Variants in NEMF observed in about 807,000 individuals in gnomAD.
NEMF encodes the protein nuclear export mediator factor, also known as ribosome quality control complex subunit NEMF.
Under a neutral mutation model 162.2 loss-of-function variants are expected in NEMF, and 89 were observed. The ratio of observed to expected loss-of-function variants is 0.55; its 90% CI spans 0.46 to 0.65. The LOEUF is 0.65. Among genes scored for constraint, NEMF ranks in the 30% least tolerant of loss-of-function variants. NEMF has a pLI of 0.00. For synonymous variants in NEMF, 421 were observed against 404.5 expected, an observed-to-expected ratio of 1.04 and a Z score of -0.49; for missense variants, 1,133 against 1,261.9, an observed-to-expected ratio of 0.90 and a Z score of 1.55.
At chr14:49,818,891 T>C (rs776833850) in intron 16 of NEMF, among the ~76,000 whole-genome samples, 2 of 152,172 alleles carry the variant, frequency 1.3e-5, no homozygotes, top group Non-Finnish European at 2.9e-5. Context: ...ATGAGGATTC[T>C]ACACAAAATG....
chr14:49,827,101 C>T (rs1892391980), intron 15 of NEMF, among the ~76,000 whole-genome samples: 1 of 152,174 alleles, frequency 6.6e-6, no homozygotes, highest in Non-Finnish European at 1.5e-5. Context: ...ATCTCCCGTC[C>T]TTCTTGCAGG....
At chr14:49,814,374 G>T (rs1384164973) in intron 17 of NEMF, among the ~76,000 whole-genome samples, 1 of 152,158 alleles carries the variant, frequency 6.6e-6, no homozygotes, top group African/African-American at 2.4e-5. Flanking sequence ...AAGTGGCTGA[G>T]ATTACAGGCG....
intron 6 of NEMF, among the ~76,000 whole-genome samples, chr14:49,834,688 G>A (rs768226003): frequency 6.6e-6 from 1 of 152,040 alleles, no homozygotes; most frequent in African/African-American, 2.4e-5. Flanking sequence ...TCACCATGTT[G>A]TCCAGGCTGG....
In NEMF at chr14:49,825,930, G is replaced by C. The variant is rs1276417088; in HGVS notation, c.1514C>G (p.Thr505Arg). 6.2e-7 allele frequency: 1 copy of C among 1,610,788 alleles called. No individual in the cohort carries two copies. The highest frequency in any genetic ancestry group is 1.3e-5 in the African/African-American group (1 of 74,830). Residue 505 changes from threonine (T) to arginine (R), a missense_variant, in exon 16 of 33, where the codon ACA becomes AGA. Around this residue, in one of 3 missense-constraint regions of NEMF, gnomAD observed 582 missense variants for 631.5 expected, o/e 0.92. Transcript: ENST00000298310. ...EKAFKSAEKK[T>R]KQTLKEVQTV... is the part of the protein sequence containing the mutation. ...CTGAACTTCTTTTAATGTTTGCTTT[G>C]TTTTCTTTTCTGCTGACTTGAATGC... is the stretch of plus-strand genomic sequence containing the variant.
chr14:49,834,399 C>A lies in NEMF; in HGVS notation c.625G>T (p.Gly209Cys), dbSNP rs768893142. 6 of 1,608,608 alleles carry A rather than the reference C, an allele frequency of 3.7e-6. No homozygotes were observed. Among genetic ancestry groups the A allele is most frequent in the Non-Finnish European group, 5.1e-6 (6 of 1,175,146 alleles). ...EHCLLENGFS[G>C]NVKVDEKLET... is the part of the protein sequence containing the mutation. ...AGTTTTTCATCCACTTTGACATTACCCGAGAATCCATTTTCTAAAAGACAG... is the reference window on the plus strand; with the variant it reads ...AGTTTTTCATCCACTTTGACATTACACGAGAATCCATTTTCTAAAAGACAG... The change falls in exon 7 of 33, where the codon GGT becomes TGT. Residue 209 changes from glycine to cysteine, a missense_variant. Transcript: ENST00000298310.
intron 18 of NEMF, among the ~76,000 whole-genome samples, chr14:49,813,044 G>A (rs1167365505): frequency 6.6e-6 from 1 of 152,046 alleles, no homozygotes; most frequent in African/African-American, 2.4e-5. Context: ...CAAAGTGCTG[G>A]GATTACAGGT....
intron 25 of NEMF, chr14:49,796,324 G>C (rs971679426): frequency 1.7e-5 from 8 of 459,310 alleles, no homozygotes; most frequent in African/African-American, 1.6e-4. Flanking sequence ...TGACCGGTTG[G>C]TTGACTAAAT....
At chr14:49,812,742 C>T (rs1203623028) in intron 18 of NEMF, among the ~76,000 whole-genome samples, 1 of 151,960 alleles carries the variant, frequency 6.6e-6, no homozygotes, top group Non-Finnish European at 1.5e-5. Flanking sequence ...TAATTTCACC[C>T]CATTATAGTC....
chr14:49,823,930 A>C (rs1419386508), intron 16 of NEMF, among the ~76,000 whole-genome samples: 1 of 152,206 alleles, frequency 6.6e-6, no homozygotes, highest in Non-Finnish European at 1.5e-5. Flanking sequence ...GCATTTTGGG[A>C]GGCTGAGGCG....
In NEMF at chr14:49,851,483, C is replaced by T. The variant is rs532556600; in HGVS notation, c.231+80G>A. 25 of 914,134 alleles carry T rather than the reference C, an allele frequency of 2.7e-5. No individual in the cohort carries two copies. In the South Asian group the frequency reaches 3.2e-4, roughly 12 times the overall value. 56.6% of individuals were successfully genotyped at this position (914,134 alleles called of 1,614,324 possible). ...CATTTTATCTGCACTTTATTCGTAA[C>T]AGTGAAGGAAACCCCAATTAAAAAC... is the stretch of plus-strand genomic sequence containing the variant. On this transcript the variant is annotated intron_variant, in intron 3 of 32. Coordinates refer to ENST00000298310, the MANE Select transcript of NEMF (RefSeq NM_004713.6).
At chr14:49,831,700 A>C (rs1483683174) in intron 10 of NEMF, among the ~76,000 whole-genome samples, 1 of 152,092 alleles carries the variant, frequency 6.6e-6, no homozygotes, top group African/African-American at 2.4e-5. Flanking sequence ...GCCTCCCAAA[A>C]TGCTGAGATT....
intron 4 of NEMF, among the ~76,000 whole-genome samples, chr14:49,841,196 C>CAAAAAAAAAAAAAAAAAAAAAAA (rs34039009): frequency 1.8e-5 from 1 of 56,794 alleles, no homozygotes; most frequent in Non-Finnish European, 3.1e-5. Context: ...AACTCTGTCT[C>CAAAAAAAAAAAAAAAAAAAAAAA]AAAAAAAAAA....
In NEMF at chr14:49,802,745, C is replaced by T. The variant is rs76938896; in HGVS notation, c.1916-18G>A. 248 of 1,580,474 alleles carry T rather than the reference C, an allele frequency of 1.6e-4. No homozygotes were observed. Among genetic ancestry groups the T allele is most frequent in the Non-Finnish European group, 2.0e-4 (233 of 1,158,552 alleles). ...CTTTTTTCCTACAAAAGATAACGTA[C>T]ATTAATGCTTTGAAAATCAGTCTTC... On this transcript the variant is annotated intron_variant, in intron 20 of 32. Coordinates refer to ENST00000298310, the MANE Select transcript of NEMF (RefSeq NM_004713.6).
chr14:49,799,566 A>T, intron 24 of NEMF, 42 bp from the exon 25 acceptor site: 1 of 1,597,878 alleles, frequency 6.3e-7, no homozygotes, highest in South Asian at 1.1e-5. Context: ...TATCACTATT[A>T]ACTTTTTTGA....
chr14:49,827,525 A>C (rs1004226738), intron 15 of NEMF, among the ~76,000 whole-genome samples: 1 of 151,218 alleles, frequency 6.6e-6, no homozygotes, highest in African/African-American at 2.4e-5. Context: ...GGGGCTAGGC[A>C]TGGTGGCTCA....
At chr14:49,833,977 ACC>A in intron 7 of NEMF, 1 of 300,068 alleles carries the variant, frequency 3.3e-6, no homozygotes, top group East Asian at 7.8e-5. Flanking sequence ...AAAACAAAAC[ACC>A]ACCACCAGCA....
Position 49,811,096 on chromosome 14 carries a change from T to C in NEMF, c.1744+2892A>G, listed in dbSNP as rs112234951. On this transcript the variant is annotated intron_variant, in intron 18 of 32. Transcript: ENST00000298310. Reference sequence around the variant, plus strand: ...TATTAAGACTTCCAATACATATACATGGGATGTCCAATTTAGGTCTTTAAT... The same window carrying C: ...TATTAAGACTTCCAATACATATACACGGGATGTCCAATTTAGGTCTTTAAT... Among the ~76,000 whole-genome samples, 695 of 152,344 alleles carry C rather than the reference T, an allele frequency of 4.6e-3. 4 individuals carry two copies. The highest frequency in any genetic ancestry group is 0.016 in the African/African-American group (665 of 41,572).
chr14:49,803,399 C>G, intron 19 of NEMF, 105 bp from the exon 20 acceptor site: 2 of 678,290 alleles, frequency 2.9e-6, no homozygotes, highest in East Asian at 5.9e-5. Flanking sequence ...GCCACACTGT[C>G]TTCTGAAAAG....
At chr14:49,830,648 G>T (rs1377943645) in intron 11 of NEMF, among the ~76,000 whole-genome samples, 2 of 152,258 alleles carry the variant, frequency 1.3e-5, no homozygotes, top group African/African-American at 4.8e-5. Context: ...GCCTCCCAAA[G>T]TGCTGGGATT....
Sources: allele counts gnomAD v4.1 joint callset (sites outside exome capture counted in the v4.1 genomes callset), GRCh38; gene constraint gnomAD v4.1.1; regional missense constraint gnomAD v4.1.1; transcripts MANE v1.5; gene names NCBI Gene and HGNC (gene_info 2026-07-23, HGNC 2026-07-21).